The following KHDRBS2 variants were observed in gnomAD, a reference collection of about 807,000 sequenced individuals.
KHDRBS2 encodes the protein KH domain-containing, RNA-binding, signal transduction-associated protein 2.
KHDRBS2 carries 26 observed loss-of-function variants against 44.3 expected under a neutral mutation model. The ratio of observed to expected loss-of-function variants is 0.59; its 90% CI spans 0.43 to 0.81. The LOEUF is 0.81. Among genes scored for constraint, KHDRBS2 ranks in the 40% least tolerant of loss-of-function variants. KHDRBS2 has a pLI of 0.00. For missense variants in KHDRBS2, 476 were observed against 433.1 expected, an observed-to-expected ratio of 1.10 and a Z score of -0.88; for synonymous variants, 194 against 151.1, an observed-to-expected ratio of 1.28 and a Z score of -2.08.
At chr6:62,079,693 A>T (rs1797023776) in intron 2 of KHDRBS2, among the ~76,000 whole-genome samples, 1 of 152,076 alleles carries the variant, frequency 6.6e-6, no homozygotes. Flanking sequence ...TTATTCTCAC[A>T]AACAGAGTGA....
chr6:61,671,795 A>C, the KHDRBS2 span, among the ~76,000 whole-genome samples: 1 of 151,810 alleles, frequency 6.6e-6, no homozygotes, highest in Non-Finnish European at 1.5e-5. Context: ...TGCATGGCTT[A>C]TACAAGTATA....
Position 61,776,657 on chromosome 6 carries a change from T to C in KHDRBS2, c.811-43893A>G, listed in dbSNP as rs182937178. Among the ~76,000 whole-genome samples the C allele has an allele frequency of 3.4e-3, 518 of 152,298 alleles. 4 individuals carry two copies. Among genetic ancestry groups the C allele is most frequent in the Non-Finnish European group, 4.1e-3 (280 of 68,020 alleles). ...GAAACAACAGGTGCTGGAGAGGATG[T>C]GAAGAAATAGGAACACTTTTACACT... On this transcript the variant is annotated intron_variant, in intron 6 of 8. Transcript: ENST00000281156.
the KHDRBS2 span, among the ~76,000 whole-genome samples, chr6:61,645,049 AG>A: frequency 1.3e-5 from 2 of 152,166 alleles, no homozygotes; most frequent in Non-Finnish European, 2.9e-5. Context: ...ACAATAGCAA[AG>A]ACATGGAATC....
intron 6 of KHDRBS2, among the ~76,000 whole-genome samples, chr6:61,827,036 A>G (rs987900561): frequency 6.6e-6 from 1 of 152,248 alleles, no homozygotes; most frequent in Non-Finnish European, 1.5e-5. Context: ...ACTTCATTAG[A>G]AAATATATGA....
chr6:61,545,098 A>G, the KHDRBS2 span, among the ~76,000 whole-genome samples: 1 of 152,002 alleles, frequency 6.6e-6, no homozygotes, highest in Non-Finnish European at 1.5e-5. Flanking sequence ...ATTTTAAAAA[A>G]ATTTGAGTAG....
intron 2 of KHDRBS2, among the ~76,000 whole-genome samples, chr6:62,093,756 CTT>C (rs1799946466): frequency 6.6e-6 from 1 of 151,510 alleles, no homozygotes. Flanking sequence ...TCTTTCTGTG[CTT>C]GCCTTATTTA....
At chr6:61,893,761 A>G (rs1802421256) in intron 6 of KHDRBS2, among the ~76,000 whole-genome samples, 1 of 152,106 alleles carries the variant, frequency 6.6e-6, no homozygotes, top group African/African-American at 2.4e-5. Flanking sequence ...GGGTGAGGGG[A>G]GCGGGGAGGG....
intron 6 of KHDRBS2, among the ~76,000 whole-genome samples, chr6:61,737,220 C>T (rs1342298836): frequency 6.6e-6 from 1 of 152,016 alleles, no homozygotes; most frequent in Non-Finnish European, 1.5e-5. Context: ...TCTTTTACTT[C>T]TTTAAATGTT....
At chr6:62,062,551 G>T (rs1027222220) in intron 2 of KHDRBS2, among the ~76,000 whole-genome samples, 3 of 151,556 alleles carry the variant, frequency 2.0e-5, no homozygotes, top group Non-Finnish European at 4.4e-5. Flanking sequence ...CAAAATGAAG[G>T]CAGAAATAAA....
At chr6:62,107,176 T>C (rs1232077604) in intron 2 of KHDRBS2, among the ~76,000 whole-genome samples, 2 of 152,004 alleles carry the variant, frequency 1.3e-5, no homozygotes, top group Non-Finnish European at 2.9e-5. Flanking sequence ...GATGACATGA[T>C]TGTATATCTA....
chr6:61,947,468 T>C (rs1233561775), intron 4 of KHDRBS2, among the ~76,000 whole-genome samples: 2 of 151,896 alleles, frequency 1.3e-5, no homozygotes, highest in Admixed American at 6.6e-5. Flanking sequence ...TAGTATGAAG[T>C]AGAGATATTG....
chr6:61,548,908 C>T, the KHDRBS2 span, among the ~76,000 whole-genome samples: 4 of 152,116 alleles, frequency 2.6e-5, no homozygotes, highest in African/African-American at 9.7e-5. Context: ...CTCTTTCCAA[C>T]TCCAACACCA....
chr6:61,547,309 G>A, the KHDRBS2 span, among the ~76,000 whole-genome samples: 1 of 152,106 alleles, frequency 6.6e-6, no homozygotes, highest in Admixed American at 6.6e-5. Context: ...ATTCTTTTAA[G>A]TGTGCATGCA....
chr6:61,759,524 GT>G (rs765049654), intron 6 of KHDRBS2, among the ~76,000 whole-genome samples: 270 of 147,718 alleles, frequency 1.8e-3, no homozygotes, highest in Non-Finnish European at 2.9e-3. Flanking sequence ...TTTTTGAAGG[GT>G]TTTTTTTTTA....
rs1409687156 is a variant in KHDRBS2 at position 61,990,964 on chromosome 6, TC to T, written c.337-12753del. Among the ~76,000 whole-genome samples, 11 of 152,274 alleles carry T rather than the reference TC, an allele frequency of 7.2e-5. No individual in the cohort carries two copies. The South Asian group carries it at 2.1e-3, about 29-fold the overall frequency. ...ATCTTGTGATCCATCCGCCTTGGCCTCCCAAAATGCTGGGATTACAGGCATG... is the reference window on the plus strand; with the variant it reads ...ATCTTGTGATCCATCCGCCTTGGCCTCCAAAATGCTGGGATTACAGGCATG... On this transcript the variant is annotated intron_variant, in intron 3 of 8. Transcript: ENST00000281156.
At chr6:61,666,279 G>T in the KHDRBS2 span, among the ~76,000 whole-genome samples, 1 of 128,484 alleles carries the variant, frequency 7.8e-6, no homozygotes, top group Admixed American at 8.2e-5. Context: ...AAATAATTTA[G>T]CTTTATAAAT....
Position 62,223,066 on chromosome 6 carries a change from C to T in KHDRBS2, c.92-45754G>A, listed in dbSNP as rs758388092. ...AGTAGGGACTCTTTGAGTGGGAGTG[C>T]CAACTCCACATTTCCCTTCTGCACA... On this transcript the variant is annotated intron_variant, in intron 1 of 8. Coordinates refer to ENST00000281156, the MANE Select transcript of KHDRBS2 (RefSeq NM_152688.4). 7.9e-5 allele frequency among the ~76,000 whole-genome samples: 12 copies of T among 152,326 alleles called. No homozygotes were observed. The Middle Eastern group carries it at 0.014, about 173-fold the overall frequency.
intron 6 of KHDRBS2, among the ~76,000 whole-genome samples, chr6:61,812,865 T>A (rs1788345546): frequency 6.6e-6 from 1 of 152,056 alleles, no homozygotes; most frequent in South Asian, 2.1e-4. Flanking sequence ...CATTTTCACA[T>A]TTGTACCTTG....
intron 5 of KHDRBS2, among the ~76,000 whole-genome samples, chr6:61,897,787 G>A (rs995406794): frequency 2.0e-5 from 3 of 151,424 alleles, no homozygotes; most frequent in Non-Finnish European, 4.4e-5. Flanking sequence ...GTAGTCTTTC[G>A]CATAAACAAA....
Sources: allele counts gnomAD v4.1 joint callset (sites outside exome capture counted in the v4.1 genomes callset), GRCh38; gene constraint gnomAD v4.1.1; transcripts MANE v1.5; gene names NCBI Gene and HGNC (gene_info 2026-07-23, HGNC 2026-07-21).